DCC: variants seen among roughly 807,000 people sequenced by gnomAD.
DCC encodes the protein netrin receptor DCC.
DCC carries 58 observed loss-of-function variants against 172.5 expected under a neutral mutation model. That is an observed-to-expected ratio of 0.34 (90% CI 0.27 to 0.42). The LOEUF (loss-of-function observed/expected upper bound fraction) is 0.42, where lower values mean the gene tolerates loss of function less well. Ranked by LOEUF, DCC falls within the 10% of genes least tolerant of loss-of-function variation. DCC has a pLI of 1.00. For synonymous variants in DCC, 709 were observed against 644.5 expected (o/e 1.10, Z -1.52); for missense variants, 1,740 against 1,791.0 (o/e 0.97, Z 0.51).
intron 2 of DCC, among the ~76,000 whole-genome samples, chr18:52,826,070 T>C (rs1361749351): frequency 6.6e-6 from 1 of 152,236 alleles, no homozygotes; most frequent in Admixed American, 6.5e-5. Context: ...GTGTTGGTTA[T>C]AGCCCCATTT....
In DCC at chr18:53,167,299, A is replaced by T. The variant is rs533656835; in HGVS notation, c.1418+9787A>T. The stretch of plus-strand genomic sequence containing the variant: ...GAATCATGTTTAATCTCTAAACTCT[A>T]CTTCTGAAATGTAAAAATAGAAGTG... On this transcript the variant is annotated intron_variant, in intron 8 of 28. Coordinates refer to ENST00000442544, the MANE Select transcript of DCC (RefSeq NM_005215.4). Among the ~76,000 whole-genome samples the T allele has an allele frequency of 3.9e-5, 6 of 152,322 alleles. No individual in the cohort carries two copies. In the South Asian group the frequency reaches 1.2e-3, roughly 32 times the overall value.
At chr18:52,784,595 G>T (rs78285797) in intron 2 of DCC, among the ~76,000 whole-genome samples, 1 of 151,892 alleles carries the variant, frequency 6.6e-6, no homozygotes, top group East Asian at 1.9e-4. Flanking sequence ...TTGTCTTTTT[G>T]TTAATAGCCA....
intron 1 of DCC, among the ~76,000 whole-genome samples, chr18:52,363,601 T>C (rs1170810086): frequency 1.3e-5 from 2 of 152,210 alleles, no homozygotes; most frequent in African/African-American, 4.8e-5. Flanking sequence ...GGGGATGTTA[T>C]AGCCCATAAG....
At chr18:53,351,435 TATACAGTGTATATATATATATACAC>T (rs2057807756) in intron 15 of DCC, among the ~76,000 whole-genome samples, 2 of 69,974 alleles carry the variant, frequency 2.9e-5, no homozygotes, top group African/African-American at 1.4e-4. Flanking sequence ...TGTATATATA[TATACAGTGTATATATATATATACAC>T]AGTGTGTATA....
chr18:52,793,237 T>G (rs1350594576), intron 2 of DCC, among the ~76,000 whole-genome samples: 1 of 152,202 alleles, frequency 6.6e-6, no homozygotes, highest in African/African-American at 2.4e-5. Flanking sequence ...ATCTTGTCTG[T>G]TCTTTATTGT....
chr18:52,917,116 C>CAAAAAAAAAAAAAAAAGAAAAAA (rs36010390), intron 3 of DCC, among the ~76,000 whole-genome samples: 1 of 82,422 alleles, frequency 1.2e-5, no homozygotes, highest in East Asian at 4.9e-4. Context: ...AACCCCGTCT[C>CAAAAAAAAAAAAAAAAGAAAAAA]AAAAAAAAAA....
chr18:53,085,953 T>C (rs1432499221), intron 7 of DCC, among the ~76,000 whole-genome samples: 1 of 97,108 alleles, frequency 1.0e-5, no homozygotes, highest in East Asian at 2.3e-4. Flanking sequence ...TGGTGGAGTA[T>C]TTTCTCTTCT....
At chr18:52,478,316 C>T (rs1330024218) in intron 1 of DCC, among the ~76,000 whole-genome samples, 2 of 152,036 alleles carry the variant, frequency 1.3e-5, no homozygotes, top group African/African-American at 2.4e-5. Flanking sequence ...GACCTATTTC[C>T]TCATATCTAT....
intron 2 of DCC, among the ~76,000 whole-genome samples, chr18:52,768,645 A>G (rs963162279): frequency 2.0e-5 from 3 of 152,122 alleles, no homozygotes; most frequent in African/African-American, 4.8e-5. Flanking sequence ...AAAGCTTTAC[A>G]ACATACACCC....
In DCC at chr18:53,427,900, T is replaced by TATATAATATATAATAATATAATATATA. The variant is rs1568124863; in HGVS notation, c.3164-7233_3164-7207dup. Among the ~76,000 whole-genome samples, 125 of 79,552 alleles carry TATATAATATATAATAATATAATATATA rather than the reference T, an allele frequency of 1.6e-3. 25 individuals are homozygous for TATATAATATATAATAATATAATATATA. The highest frequency in any genetic ancestry group is 3.5e-3 in the South Asian group (11 of 3,108). 52.2% of individuals were successfully genotyped at this position (79,552 alleles called of 152,430 possible). A position where few individuals can be genotyped will look rare whatever the true frequency, so the allele number is the denominator to read the frequency against. Reference sequence around the variant, plus strand: ...TATACATATATAATATAATAAATTATATATAATATATAATAATATAATATA... The same window carrying TATATAATATATAATAATATAATATATA: ...TATACATATATAATATAATAAATTATATATAATATATAATAATATAATATATAATATAATATATAATAATATAATATA... On this transcript the variant is annotated intron_variant, in intron 21 of 28. Coordinates refer to ENST00000442544, the MANE Select transcript of DCC (RefSeq NM_005215.4).
chr18:53,293,307 A>G (rs1045960980), intron 12 of DCC, among the ~76,000 whole-genome samples: 8 of 152,194 alleles, frequency 5.3e-5, no homozygotes, highest in African/African-American at 1.9e-4. Flanking sequence ...AAAAGTCAAG[A>G]AGCAATAGGA....
chr18:53,090,698 C>CAACAAAAAA (rs2042990907), intron 7 of DCC, among the ~76,000 whole-genome samples: 1 of 39,356 alleles, frequency 2.5e-5, no homozygotes, highest in Non-Finnish European at 5.5e-5. Context: ...CGTCCCCCAA[C>CAACAAAAAA]AAAAAAAAAA....
At position 52,584,803 on chromosome 18, in the gene DCC, G is replaced by A. The variant is rs564384440; in HGVS notation, c.92-167251G>A. 9.2e-5 allele frequency among the ~76,000 whole-genome samples: 14 copies of A among 151,652 alleles called. No individual in the cohort carries two copies. The South Asian group carries it at 2.9e-3, about 32-fold the overall frequency. On this transcript the variant is annotated intron_variant, in intron 1 of 28. Transcript: ENST00000442544. The stretch of plus-strand genomic sequence containing the variant: ...AATCCTCCCACCTCAGCTTTCCAAA[G>A]TGTTAGGATTACCGAGACGAGCCAC...
chr18:53,160,069 A>G (rs1312309972), intron 8 of DCC, among the ~76,000 whole-genome samples: 1 of 152,130 alleles, frequency 6.6e-6, no homozygotes, highest in Non-Finnish European at 1.5e-5. Context: ...TGAAATTGCT[A>G]TGTTTGGGTG....
chr18:53,377,152 G>C (rs1269712417), intron 15 of DCC, among the ~76,000 whole-genome samples: 1 of 152,152 alleles, frequency 6.6e-6, no homozygotes, highest in African/African-American at 2.4e-5. Context: ...TTAAGAATTA[G>C]ACATGATACC....
chr18:52,388,331 T>C (rs1985898713), intron 1 of DCC, among the ~76,000 whole-genome samples: 1 of 151,684 alleles, frequency 6.6e-6, no homozygotes, highest in Non-Finnish European at 1.5e-5. Context: ...ATCTTTCTAG[T>C]AATTTGTTGC....
At chr18:53,168,083 T>C (rs2054951162) in intron 8 of DCC, among the ~76,000 whole-genome samples, 1 of 152,142 alleles carries the variant, frequency 6.6e-6, no homozygotes, top group South Asian at 2.1e-4. Flanking sequence ...GGAGAGGATA[T>C]GGAGAAATAA....
intron 2 of DCC, 124 bp downstream of exon 2, chr18:52,752,498 TG>T (rs1437833354): frequency 1.3e-6 from 1 of 763,464 alleles, no homozygotes; most frequent in Non-Finnish European, 2.2e-6. Context: ...AATTTTAAGT[TG>T]ACAAGTAATT....
chr18:53,068,028 T>C (rs908233006), intron 7 of DCC, among the ~76,000 whole-genome samples: 2 of 152,112 alleles, frequency 1.3e-5, no homozygotes, highest in Non-Finnish European at 1.5e-5. Context: ...CAATACCAGA[T>C]GAGTCAAGAA....
Sources: gnomAD v4.1 joint callset for allele counts (sites outside exome capture counted in the v4.1 genomes callset) on GRCh38, gnomAD v4.1.1 for gene constraint, MANE v1.5 for transcripts, NCBI Gene and HGNC (gene_info 2026-07-23, HGNC 2026-07-21) for gene names.